The following CD8B2 variants were observed in gnomAD, a reference collection of about 807,000 sequenced individuals.
CD8B2 encodes T-cell surface glycoprotein CD8 beta-2 chain.
In CD8B2, 11 loss-of-function variants were observed where a neutral mutation model predicts 23.7. That is an observed-to-expected ratio of 0.46 (90% confidence interval 0.29 to 0.77). The LOEUF (loss-of-function observed/expected upper bound fraction) is 0.77, where lower values mean the gene tolerates loss of function less well. Among genes scored for constraint, CD8B2 ranks in the 30% least tolerant of loss-of-function variants. The pLI, the probability that CD8B2 is intolerant of heterozygous loss-of-function variation, is 0.09. For synonymous variants in CD8B2, 90 were observed against 109.3 expected, an observed-to-expected ratio of 0.82 and a Z score of 1.10; for missense variants, 197 against 270.5, an observed-to-expected ratio of 0.73 and a Z score of 1.91.
intron 5 of CD8B2, among the ~76,000 whole-genome samples, chr2:106,536,633 G>C (rs1417947814): frequency 6.6e-6 from 1 of 152,212 alleles, no homozygotes; most frequent in African/African-American, 2.4e-5. Context: ...TAGATGAAAA[G>C]GGTGAAACTG....
chr2:106,498,464 G>T (rs1679341396), intron 3 of CD8B2, among the ~76,000 whole-genome samples: 1 of 152,050 alleles, frequency 6.6e-6, no homozygotes. Flanking sequence ...ATCATTTCTT[G>T]TACTAACCCT....
intron 5 of CD8B2, among the ~76,000 whole-genome samples, chr2:106,543,604 C>T (rs541082944): frequency 1.3e-5 from 2 of 152,174 alleles, no homozygotes; most frequent in Admixed American, 6.5e-5. Context: ...GCCAAGACTG[C>T]ACCACTGCAC....
Position 106,487,479 on chromosome 2 carries a change from C to A in CD8B2, c.43+10C>A, listed in dbSNP as rs1160464799. On this transcript the variant is annotated intron_variant, in intron 1 of 5. Coordinates refer to ENST00000643224, the MANE Select transcript of CD8B2 (RefSeq NM_001349727.2). Reference sequence around the variant, plus strand: ...GCCGCGCAGCTGACAGGTAAGGCGGCGGCGCGCGGGCTGCCCAAGGTCTGC... The same window carrying A: ...GCCGCGCAGCTGACAGGTAAGGCGGAGGCGCGCGGGCTGCCCAAGGTCTGC... 21 of 1,242,692 alleles carry A rather than the reference C, an allele frequency of 1.7e-5. No individual in the cohort carries two copies. The highest frequency in any genetic ancestry group is 3.0e-6 in the Non-Finnish European group (3 of 993,850). 77.0% of individuals were successfully genotyped at this position (1,242,692 alleles called of 1,614,324 possible).
chr2:106,529,283 C>T (rs1039126202), intron 5 of CD8B2, among the ~76,000 whole-genome samples: 2 of 152,186 alleles, frequency 1.3e-5, no homozygotes, highest in African/African-American at 4.8e-5. Context: ...CTGGGGCTGG[C>T]TCTCCAGCCT....
intron 5 of CD8B2, chr2:106,542,866 A>G (rs978719525): frequency 1.3e-5 from 2 of 152,084 alleles, no homozygotes; most frequent in Non-Finnish European, 2.9e-5. Flanking sequence ...CCGGCTTATC[A>G]ACTGAGCAGT....
Position 106,507,505 on chromosome 2 carries a change from G to A in CD8B2, c.*565G>A, listed in dbSNP as rs1299199857. On this transcript the variant is annotated 3_prime_UTR_variant, in exon 6 of 6. Transcript: ENST00000643224. ...TTTGGGGCCGGGAACTTGCGGGTTT[G>A]AGGATAGGAGTTCACTTCATCTTCT... 1.0e-6 allele frequency: 1 copy of A among 984,944 alleles called. No individual in the cohort carries two copies. The highest frequency in any genetic ancestry group is 6.1e-5 in the Admixed American group (1 of 16,274). 61.0% of individuals were successfully genotyped at this position (984,944 alleles called of 1,614,324 possible). A position where few individuals can be genotyped will look rare whatever the true frequency, so the allele number is the denominator to read the frequency against.
In CD8B2 at chr2:106,506,979, A is replaced by G. The variant is rs1331752464; in HGVS notation, c.*39A>G. 1.3e-6 allele frequency: 2 copies of G among 1,590,426 alleles called. No homozygotes were observed. The highest frequency in any genetic ancestry group is 2.2e-5 in the East Asian group (1 of 44,640). On this transcript the variant is annotated 3_prime_UTR_variant, in exon 6 of 6. Transcript: ENST00000643224. The stretch of plus-strand genomic sequence containing the variant: ...TTTTGGTGTCCTGCTACAAAAAGAC[A>G]TCGGTCAGTAACGAGCACGATGTGG...
chr2:106,522,531 C>T (rs1404665845), intron 5 of CD8B2, among the ~76,000 whole-genome samples: 1 of 152,178 alleles, frequency 6.6e-6, no homozygotes, highest in African/African-American at 2.4e-5. Flanking sequence ...CAATTTCTTA[C>T]TCTGTTCAGT....
chr2:106,533,496 G>C (rs193010706), intron 5 of CD8B2, among the ~76,000 whole-genome samples: 1 of 152,222 alleles, frequency 6.6e-6, no homozygotes, highest in African/African-American at 2.4e-5. Context: ...GAGACCCCGT[G>C]CTACACAGGG....
In CD8B2 at chr2:106,530,189, G is replaced by A. The variant is rs571544122; in HGVS notation, c.621-13803G>A. 1.1e-4 allele frequency among the ~76,000 whole-genome samples: 16 copies of A among 152,328 alleles called. 1 individual carries two copies. The South Asian group carries it at 1.2e-3, about 12-fold the overall frequency. ...AGTATTGTAACTAAGTGGCACTCCTGTGAAGGACGGATCCCAGAACTAGAG... is the reference window on the plus strand; with the variant it reads ...AGTATTGTAACTAAGTGGCACTCCTATGAAGGACGGATCCCAGAACTAGAG... On this transcript the variant is annotated intron_variant, in intron 5 of 5. Coordinates refer to the CD8B2 transcript ENST00000416057.
chr2:106,544,228 T>C (rs1009248798), exon 6 of CD8B2: 8 of 396,012 alleles, frequency 2.0e-5, no homozygotes, highest in Non-Finnish European at 2.2e-5. Flanking sequence ...TTTTTAGTTA[T>C]TTGAATAGGT....
chr2:106,520,657 C>T (rs1270670882), intron 5 of CD8B2, among the ~76,000 whole-genome samples: 3 of 151,972 alleles, frequency 2.0e-5, no homozygotes, highest in Non-Finnish European at 2.9e-5. Context: ...TTTGGGAGGC[C>T]GAGGTGGGCG....
intron 2 of CD8B2, among the ~76,000 whole-genome samples, chr2:106,492,820 G>A (rs1679219569): frequency 6.6e-6 from 1 of 152,228 alleles, no homozygotes; most frequent in African/African-American, 2.4e-5. Flanking sequence ...CTGGGAGGGT[G>A]TATTGCAGGC....
rs1679567646 is a variant in CD8B2, at chr2:106,508,933, C to CAATTAATTGG, written c.*1993_*1994insAATTAATTGG. 1 of 24,912 alleles carries CAATTAATTGG rather than the reference C, an allele frequency of 4.0e-5. No individual in the cohort carries two copies. Among genetic ancestry groups the CAATTAATTGG allele is most frequent in the South Asian group, 7.2e-3 (1 of 138 alleles). 1.5% of individuals were successfully genotyped at this position (24,912 alleles called of 1,614,324 possible). A position where few individuals can be genotyped will look rare whatever the true frequency, so the allele number is the denominator to read the frequency against. ...GTGTACGTTAATTGGCCTTAGATGC[C>CAATTAATTGG]CTGCCCCCAGACCCAGGTGTTTTCC... On this transcript the variant is annotated 3_prime_UTR_variant, in exon 6 of 6. Transcript: ENST00000643224.
At chr2:106,514,284 G>C (rs1246131959), downstream of CD8B2, among the ~76,000 whole-genome samples, 1 of 90,642 alleles carries the variant, frequency 1.1e-5, no homozygotes, top group African/African-American at 4.3e-5. Context: ...GGGAACGCTT[G>C]TCTTTTTTTT....
At position 106,521,023 on chromosome 2, in the gene CD8B2, G is replaced by GGGGA. The variant is rs368820759; in HGVS notation, c.620+16699_620+16700insGGAG. On this transcript the variant is annotated intron_variant, in intron 5 of 5. Coordinates refer to the CD8B2 transcript ENST00000416057. Reference sequence around the variant, plus strand: ...AAAAAAAAAATCATAATGTTTTAAGGGAGAGAGAGAGAGAGAGAGAGAGAG... The same window carrying GGGGA: ...AAAAAAAAAATCATAATGTTTTAAGGGGGAGAGAGAGAGAGAGAGAGAGAGAGAG... Among the ~76,000 whole-genome samples, 971 of 130,446 alleles carry GGGGA rather than the reference G, an allele frequency of 7.4e-3. 16 individuals are homozygous for GGGGA. Among genetic ancestry groups the GGGGA allele is most frequent in the African/African-American group, 0.026 (909 of 34,840 alleles). 85.6% of individuals were successfully genotyped at this position (130,446 alleles called of 152,430 possible). A position where few individuals can be genotyped will look rare whatever the true frequency, so the allele number is the denominator to read the frequency against.
chr2:106,523,846 C>T (rs1679865064), intron 5 of CD8B2, among the ~76,000 whole-genome samples: 1 of 152,134 alleles, frequency 6.6e-6, no homozygotes, highest in Non-Finnish European at 1.5e-5. Flanking sequence ...AGAAGGCAAT[C>T]AAGATGAATT....
At position 106,506,981 on chromosome 2, in the gene CD8B2, C is replaced by T. The variant is rs969500022; in HGVS notation, c.*41C>T. ...TTGGTGTCCTGCTACAAAAAGACATCGGTCAGTAACGAGCACGATGTGGAA... is the reference window on the plus strand; with the variant it reads ...TTGGTGTCCTGCTACAAAAAGACATTGGTCAGTAACGAGCACGATGTGGAA... On this transcript the variant is annotated 3_prime_UTR_variant, in exon 6 of 6. Coordinates refer to ENST00000643224, the MANE Select transcript of CD8B2 (RefSeq NM_001349727.2). 63 of 1,580,170 alleles carry T rather than the reference C, an allele frequency of 4.0e-5. No homozygotes were observed. The African/African-American group carries it at 5.6e-4, about 14-fold the overall frequency.
chr2:106,533,675 C>T (rs896332002), intron 5 of CD8B2, among the ~76,000 whole-genome samples: 7 of 152,124 alleles, frequency 4.6e-5, no homozygotes, highest in African/African-American at 1.7e-4. Flanking sequence ...TAAAATAGTA[C>T]ACAGAAAAGA....
Sources: allele counts gnomAD v4.1 joint callset (sites outside exome capture counted in the v4.1 genomes callset), GRCh38; gene constraint gnomAD v4.1.1; transcripts MANE v1.5; gene names NCBI Gene and HGNC (gene_info 2026-07-23, HGNC 2026-07-21).